PRKAR1B: variants seen among roughly 807,000 people sequenced by gnomAD.
PRKAR1B encodes cAMP-dependent protein kinase type I-beta regulatory subunit.
In PRKAR1B, 22 loss-of-function variants were observed where a neutral mutation model predicts 46.5. That is an observed-to-expected ratio of 0.47 (90% CI 0.34 to 0.68). PRKAR1B has a LOEUF of 0.68. PRKAR1B is among the 30% of genes least tolerant of loss of function. The probability of loss-of-function intolerance (pLI) is 0.01; values close to 1 mark genes in which losing one functional copy is unlikely to be tolerated. For synonymous variants in PRKAR1B, 259 were observed against 217.7 expected (o/e 1.19, Z -1.67); for missense variants, 445 against 535.6 (o/e 0.83, Z 1.67).
intron 5 of PRKAR1B, 58 bp downstream of exon 5, chr7:607,333 A>G: frequency 6.6e-7 from 1 of 1,507,878 alleles, no homozygotes; most frequent in Non-Finnish European, 9.2e-7. Context: ...TTTTTTTTTA[A>G]GTGCATAGTC....
intron 4 of PRKAR1B, among the ~76,000 whole-genome samples, chr7:619,485 A>T (rs1783000631): frequency 6.6e-6 from 1 of 152,260 alleles, no homozygotes; most frequent in African/African-American, 2.4e-5. Flanking sequence ...GGACAGAAGC[A>T]CAGAGAGGTT....
intron 4 of PRKAR1B, among the ~76,000 whole-genome samples, chr7:630,765 A>G (rs1783688743): frequency 6.6e-6 from 1 of 151,998 alleles, no homozygotes; most frequent in African/African-American, 2.4e-5. Context: ...TTGCAAACTC[A>G]GCCACCCCCA....
intron 9 of PRKAR1B, among the ~76,000 whole-genome samples, chr7:563,471 C>G (rs937847256): frequency 2.0e-5 from 3 of 152,254 alleles, no homozygotes; most frequent in African/African-American, 7.2e-5. Flanking sequence ...GGGCCAAGAC[C>G]CACAATGTCC....
In PRKAR1B at chr7:642,368, G is replaced by A. The variant is rs919659488; in HGVS notation, c.440+34861C>T. Among the ~76,000 whole-genome samples, 3 of 152,188 alleles carry A rather than the reference G, an allele frequency of 2.0e-5. No individual in the cohort carries two copies. The East Asian group carries it at 5.8e-4, about 29-fold the overall frequency. On this transcript the variant is annotated intron_variant, in intron 4 of 10. Coordinates refer to ENST00000537384, the MANE Select transcript of PRKAR1B (RefSeq NM_001164760.2). ...TTCTGTAAATTCGTTCAAAGTCACT[G>A]AATAGGCTACTTACAGTGGGTGAAT...
At chr7:592,478 C>T (rs571147250) in intron 7 of PRKAR1B, among the ~76,000 whole-genome samples, 1 of 147,056 alleles carries the variant, frequency 6.8e-6, no homozygotes, top group African/African-American at 2.6e-5. Flanking sequence ...CCGGCTCCAC[C>T]GGCTGTGCCG....
chr7:707,225 C>T (rs1780376841), intron 2 of PRKAR1B, among the ~76,000 whole-genome samples: 1 of 152,234 alleles, frequency 6.6e-6, no homozygotes, highest in Admixed American at 6.5e-5. Context: ...ACTTCAAAGA[C>T]TTCACTAAAG....
At chr7:678,349 T>TA (rs1778453939) in intron 3 of PRKAR1B, among the ~76,000 whole-genome samples, 1 of 152,212 alleles carries the variant, frequency 6.6e-6, no homozygotes. Context: ...CGGAACCACA[T>TA]ATATGCAATC....
At chr7:588,441 GTGGTGATGGTGA>G (rs753439912) in intron 7 of PRKAR1B, among the ~76,000 whole-genome samples, 1 of 123,748 alleles carries the variant, frequency 8.1e-6, no homozygotes, top group Non-Finnish European at 1.8e-5. Context: ...GATAGTGACA[GTGGTGATGGTGA>G]TGGTGATGGT....
chr7:706,393 C>T (rs938153252), intron 2 of PRKAR1B, among the ~76,000 whole-genome samples: 2 of 150,246 alleles, frequency 1.3e-5, no homozygotes, highest in Non-Finnish European at 3.0e-5. Flanking sequence ...GGGGAAACTC[C>T]CACGCTGTGT....
intron 4 of PRKAR1B, among the ~76,000 whole-genome samples, chr7:611,929 G>C (rs1397348900): frequency 7.2e-6 from 1 of 139,582 alleles, no homozygotes; most frequent in Admixed American, 7.2e-5. Flanking sequence ...ATGGATGGAT[G>C]GATGGACAGG....
At chr7:655,464 A>T (rs1231702212) in intron 4 of PRKAR1B, among the ~76,000 whole-genome samples, 1 of 152,100 alleles carries the variant, frequency 6.6e-6, no homozygotes, top group Non-Finnish European at 1.5e-5. Context: ...GTATTTCCTC[A>T]ATCTTCCCTT....
intron 9 of PRKAR1B, among the ~76,000 whole-genome samples, chr7:555,854 G>C (rs1169124491): frequency 6.6e-6 from 1 of 152,202 alleles, no homozygotes; most frequent in Non-Finnish European, 1.5e-5. Flanking sequence ...TGTTGCAGGA[G>C]GGGTGCTGCG....
chr7:641,222 G>A (rs1227944673), intron 4 of PRKAR1B, among the ~76,000 whole-genome samples: 1 of 152,174 alleles, frequency 6.6e-6, no homozygotes, highest in African/African-American at 2.4e-5. Flanking sequence ...AAAGTTCTGG[G>A]ATTACAGGCG....
chr7:727,345 C>A (rs116986757), upstream of PRKAR1B: 233,596 of 1,168,224 alleles, frequency 0.2, 25,322 homozygotes, highest in Middle Eastern at 0.25. Context: ...CTCCCACACG[C>A]CACCCCACAC....
At chr7:634,015 G>A (rs1014272918) in intron 4 of PRKAR1B, among the ~76,000 whole-genome samples, 10 of 152,106 alleles carry the variant, frequency 6.6e-5, no homozygotes, top group Non-Finnish European at 1.3e-4. Context: ...ATCTGTACAA[G>A]AAAAAATAAA....
intron 4 of PRKAR1B, among the ~76,000 whole-genome samples, chr7:639,065 G>A (rs770860243): frequency 6.6e-5 from 10 of 151,322 alleles, no homozygotes; most frequent in Non-Finnish European, 1.5e-4. Flanking sequence ...GTGACAGAGC[G>A]AGACTCTGTC....
At chr7:563,514 C>T (rs1272677581) in intron 9 of PRKAR1B, among the ~76,000 whole-genome samples, 2 of 152,264 alleles carry the variant, frequency 1.3e-5, no homozygotes, top group Non-Finnish European at 2.9e-5. Flanking sequence ...GCTTCAGCCT[C>T]TGCAACCTCT....
At chr7:725,203 G>C (rs1259929427) in intron 1 of PRKAR1B, among the ~76,000 whole-genome samples, 1 of 139,914 alleles carries the variant, frequency 7.1e-6, no homozygotes, top group East Asian at 2.1e-4. Context: ...GACAGAGCAA[G>C]ATTCCATCTC....
intron 1 of PRKAR1B, among the ~76,000 whole-genome samples, chr7:719,264 T>A (rs1203269915): frequency 6.6e-6 from 1 of 152,138 alleles, no homozygotes; most frequent in Non-Finnish European, 1.5e-5. Flanking sequence ...GGTCTCAAAC[T>A]CCTGAGCTCA....
Sources: allele counts gnomAD v4.1 joint callset (sites outside exome capture counted in the v4.1 genomes callset), GRCh38; gene constraint gnomAD v4.1.1; transcripts MANE v1.5; gene names NCBI Gene and HGNC (gene_info 2026-07-23, HGNC 2026-07-21).